The following BZW2 variants were observed in gnomAD, a reference collection of about 807,000 sequenced individuals.
BZW2 encodes the protein basic leucine zipper and W2 domains 2, also known as eIF5-mimic protein 1.
BZW2 carries 23 observed loss-of-function variants against 53.2 expected under a neutral mutation model. The ratio of observed to expected loss-of-function variants is 0.43; its 90% CI spans 0.31 to 0.61. The LOEUF (loss-of-function observed/expected upper bound fraction) is 0.61. Ranked by LOEUF, BZW2 falls within the 20% of genes least tolerant of loss-of-function variation. The pLI is 0.09. For synonymous variants in BZW2, 227 were observed against 186.4 expected (o/e 1.22, Z -1.77); for missense variants, 409 against 503.1 (o/e 0.81, Z 1.79).
Position 16,646,240 on chromosome 7 carries a change from A to C in BZW2, c.-56A>C. ...CTGCTGCTGCCGCTGCTGCTGCACG[A>C]ATCGCCGCAGCCCCCAGCCTTGCGC... On this transcript the variant is annotated 5_prime_UTR_variant, in exon 1 of 12. Transcript: ENST00000258761. The C allele has an allele frequency of 2.9e-6, 1 of 342,008 alleles. No homozygotes were observed. The allele number at this position is 342,008 out of a possible 1,614,324, so 21.2% of individuals were successfully genotyped here.
In BZW2 at chr7:16,670,737, C is replaced by A. The variant is rs954477905; in HGVS notation, c.59-3675C>A. ...AATGTATTCCTCTAGAATTCCTATG[C>A]GTTTTCCTCCCCCTCTACACAACAA... On this transcript the variant is annotated intron_variant, in intron 2 of 11. Transcript: ENST00000258761. 2.0e-5 allele frequency among the ~76,000 whole-genome samples: 3 copies of A among 152,216 alleles called. No homozygotes were observed. In the South Asian group the frequency reaches 6.2e-4, roughly 32 times the overall value.
intron 4 of BZW2, among the ~76,000 whole-genome samples, chr7:16,682,351 C>T (rs575523512): frequency 7.2e-5 from 11 of 152,284 alleles, no homozygotes; most frequent in African/African-American, 1.2e-4. Flanking sequence ...AATTATAACA[C>T]GTTTTGCTCA....
At chr7:16,692,493 T>C (rs1314410493) in intron 7 of BZW2, among the ~76,000 whole-genome samples, 1 of 152,136 alleles carries the variant, frequency 6.6e-6, no homozygotes, top group Non-Finnish European at 1.5e-5. Flanking sequence ...CCAGGTGTGG[T>C]AGCTCACACC....
intron 8 of BZW2, among the ~76,000 whole-genome samples, chr7:16,695,682 A>G (rs1193186577): frequency 2.0e-5 from 3 of 152,280 alleles, no homozygotes; most frequent in Admixed American, 1.3e-4. Context: ...CTTTCATGCA[A>G]CAATTTAAAA....
chr7:16,661,412 A>G (rs1782256400), intron 1 of BZW2: 3 of 152,162 alleles, frequency 2.0e-5, no homozygotes. Context: ...CATCTGTGCC[A>G]GTGTGGCTCA....
At chr7:16,699,715 A>T (rs934008008) in intron 10 of BZW2, among the ~76,000 whole-genome samples, 2 of 152,144 alleles carry the variant, frequency 1.3e-5, no homozygotes, top group Non-Finnish European at 2.9e-5. Context: ...ACCCATTGTT[A>T]CGGGAAATGA....
At chr7:16,655,137 G>A (rs891514998) in intron 1 of BZW2, among the ~76,000 whole-genome samples, 4 of 152,014 alleles carry the variant, frequency 2.6e-5, no homozygotes, top group Admixed American at 1.3e-4. Context: ...GATCTCTGGC[G>A]ACTTTCTAAA....
At chr7:16,658,841 C>T (rs547746021) in intron 1 of BZW2, among the ~76,000 whole-genome samples, 7 of 151,742 alleles carry the variant, frequency 4.6e-5, no homozygotes, top group African/African-American at 1.7e-4. Flanking sequence ...CACCACTGCA[C>T]TCCAGCCTGG....
chr7:16,653,034 T>TTGTGTG (rs10533020), intron 1 of BZW2, among the ~76,000 whole-genome samples: 2 of 149,952 alleles, frequency 1.3e-5, no homozygotes, highest in Non-Finnish European at 1.5e-5. Flanking sequence ...GAAAGTAACT[T>TTGTGTG]TGTGTGTGTG....
chr7:16,698,244 C>G, intron 10 of BZW2, 58 bp downstream of exon 10: 1 of 1,600,768 alleles, frequency 6.2e-7, no homozygotes, highest in Non-Finnish European at 8.6e-7. Context: ...CTTTGAGAGG[C>G]AGAGCAGGCA....
intron 5 of BZW2, among the ~76,000 whole-genome samples, chr7:16,683,447 G>T (rs569418275): frequency 2.6e-5 from 4 of 152,330 alleles, no homozygotes; most frequent in African/African-American, 9.6e-5. Context: ...TGACCTTGCA[G>T]AGATTAAAAT....
intron 1 of BZW2, among the ~76,000 whole-genome samples, chr7:16,646,566 G>A (rs1483595393): frequency 1.3e-5 from 2 of 152,350 alleles, no homozygotes; most frequent in African/African-American, 2.4e-5. Flanking sequence ...CCAGCCACGC[G>A]GTGGGAAGTG....
At chr7:16,689,763 A>G (rs2128365565) in intron 6 of BZW2, 34 bp from the exon 7 acceptor site, 1 of 1,562,874 alleles carries the variant, frequency 6.4e-7, no homozygotes, top group East Asian at 2.3e-5. Context: ...TTTTGCTCGT[A>G]AAAGGAATGA....
chr7:16,655,276 G>A (rs1782095340), intron 1 of BZW2, among the ~76,000 whole-genome samples: 1 of 152,172 alleles, frequency 6.6e-6, no homozygotes, highest in Non-Finnish European at 1.5e-5. Flanking sequence ...TTTGTTTAAT[G>A]GAAGCATTAT....
chr7:16,663,398 G>C (rs1240485085), intron 1 of BZW2, among the ~76,000 whole-genome samples: 1 of 151,792 alleles, frequency 6.6e-6, no homozygotes, highest in East Asian at 1.9e-4. Flanking sequence ...TACTTTATAG[G>C]GTTGGCAAAA....
chr7:16,690,317 T>C (rs1292330821), intron 7 of BZW2, among the ~76,000 whole-genome samples: 1 of 152,028 alleles, frequency 6.6e-6, no homozygotes, highest in Non-Finnish European at 1.5e-5. Context: ...TTCTCCTGCC[T>C]CAGCCTCCCG....
intron 1 of BZW2, among the ~76,000 whole-genome samples, chr7:16,648,403 A>G (rs933520802): frequency 2.0e-5 from 3 of 152,236 alleles, no homozygotes; most frequent in Non-Finnish European, 4.4e-5. Flanking sequence ...TTTGCCCACA[A>G]TCCCATATTA....
In BZW2 at chr7:16,704,625, A is replaced by C. The variant is rs760313917; in HGVS notation, c.1187A>C (p.Asp396Ala). 1 of 1,593,646 alleles carries C rather than the reference A, an allele frequency of 6.3e-7. No homozygotes were observed. The highest frequency in any genetic ancestry group is 8.6e-7 in the Non-Finnish European group (1 of 1,164,508). Residue 396 changes from aspartate to alanine, a missense_variant, in exon 11 of 12, where the codon GAC (aspartate) becomes GCC (alanine). Coordinates refer to ENST00000258761, the MANE Select transcript of BZW2 (RefSeq NM_014038.3). ...GCTAAAGGCAAAAGTGTTTTTCTTG[A>C]CCAGATGAAGAAATTTGTTGAGTGG... ...HVAKGKSVFL[D>A]QMKKFVEWLQ...
chr7:16,681,573 A>G (rs959249432), intron 4 of BZW2, among the ~76,000 whole-genome samples, 169 bp downstream of exon 4: 1 of 152,210 alleles, frequency 6.6e-6, no homozygotes, highest in South Asian at 2.1e-4. Context: ...GCTCGAGCCT[A>G]TAATCCCAGC....
Sources: allele counts gnomAD v4.1 joint callset (sites outside exome capture counted in the v4.1 genomes callset), GRCh38; gene constraint gnomAD v4.1.1; transcripts MANE v1.5; gene names NCBI Gene and HGNC (gene_info 2026-07-23, HGNC 2026-07-21).